KIAA1549L: variants seen among roughly 807,000 people sequenced by gnomAD.
The protein encoded by KIAA1549L is KIAA1549 like, also known as UPF0606 protein KIAA1549L.
In KIAA1549L, 88 loss-of-function variants were observed where a neutral mutation model predicts 160.7. That is an observed-to-expected ratio of 0.55 (90% CI 0.46 to 0.65). KIAA1549L has a LOEUF of 0.65. Among genes scored for constraint, KIAA1549L ranks in the 30% least tolerant of loss-of-function variants. The pLI is 0.00. For missense variants in KIAA1549L, 2,258 were observed against 2,437.5 expected, an observed-to-expected ratio of 0.93 and a Z score of 1.55; for synonymous variants, 950 against 976.7, an observed-to-expected ratio of 0.97 and a Z score of 0.51.
At chr11:33,589,806 A>C (rs1849994121) in intron 11 of KIAA1549L, among the ~76,000 whole-genome samples, 1 of 152,202 alleles carries the variant, frequency 6.6e-6, no homozygotes, top group Admixed American at 6.5e-5. Context: ...GATATACCTA[A>C]TGTTAAATGA....
At position 33,545,383 on chromosome 11, in the gene KIAA1549L, G is replaced by T; in HGVS notation, c.3385+5G>T. The T allele has an allele frequency of 6.2e-7, 1 of 1,601,750 alleles. No homozygotes were observed. Among genetic ancestry groups the T allele is most frequent in the South Asian group, 1.1e-5 (1 of 90,116 alleles). The stretch of plus-strand genomic sequence containing the variant: ...GTAAGCTCCTGGTGAAGACAGGTAT[G>T]AGACCACTGTTCTGATCTGAAAGCA... On this transcript the variant is annotated splice_donor_5th_base_variant and intron_variant, in intron 3 of 20. Coordinates refer to ENST00000658780, the MANE Select transcript of KIAA1549L (RefSeq NM_012194.3).
At chr11:33,571,683 C>G (rs928818185) in intron 9 of KIAA1549L, among the ~76,000 whole-genome samples, 2 of 152,136 alleles carry the variant, frequency 1.3e-5, no homozygotes, top group Non-Finnish European at 2.9e-5. Flanking sequence ...AGGACAGCAC[C>G]AAGCCATGAG....
chr11:33,465,962 A>G (rs1488884610), intron 1 of KIAA1549L, among the ~76,000 whole-genome samples: 1 of 152,274 alleles, frequency 6.6e-6, no homozygotes, highest in East Asian at 1.9e-4. Context: ...AAACGCCAAA[A>G]GCAATGGCAA....
intron 10 of KIAA1549L, among the ~76,000 whole-genome samples, chr11:33,578,186 TCAGGGG>T (rs1195147322): frequency 6.6e-6 from 1 of 151,928 alleles, no homozygotes; most frequent in Admixed American, 6.6e-5. Context: ...GTGGACGGGG[TCAGGGG>T]CTAGGACAGG....
At chr11:33,530,243 A>AT (rs1853708540) in intron 1 of KIAA1549L, among the ~76,000 whole-genome samples, 1 of 148,302 alleles carries the variant, frequency 6.7e-6, no homozygotes, top group Admixed American at 6.7e-5. Context: ...AAAATACAAA[A>AT]AAAAAAAAAT....
At chr11:33,596,483 TC>T (rs1314534751) in intron 12 of KIAA1549L, among the ~76,000 whole-genome samples, 2 of 152,166 alleles carry the variant, frequency 1.3e-5, no homozygotes, top group Non-Finnish European at 2.9e-5. Flanking sequence ...ATGCCTGTAA[TC>T]CCAGCATTTT....
intron 1 of KIAA1549L, among the ~76,000 whole-genome samples, chr11:33,492,587 G>A (rs1852705564): frequency 6.6e-6 from 1 of 152,054 alleles, no homozygotes; most frequent in South Asian, 2.1e-4. Flanking sequence ...TTGTTATTTA[G>A]GCTGCTCGGA....
chr11:33,416,567 G>A (rs554236858), intron 1 of KIAA1549L, among the ~76,000 whole-genome samples: 1 of 152,232 alleles, frequency 6.6e-6, no homozygotes, highest in East Asian at 1.9e-4. Flanking sequence ...TATAAATAAT[G>A]TAGATATGAT....
intron 1 of KIAA1549L, among the ~76,000 whole-genome samples, chr11:33,491,332 T>C (rs182541891): frequency 9.8e-5 from 15 of 152,308 alleles, no homozygotes; most frequent in African/African-American, 3.6e-4. Flanking sequence ...ACGGTTCACA[T>C]GGCACTACAG....
intron 2 of KIAA1549L, 88 bp from the exon 3 acceptor site, chr11:33,544,679 A>G (rs1854173063): frequency 6.7e-7 from 1 of 1,491,860 alleles, no homozygotes; most frequent in African/African-American, 1.4e-5. Flanking sequence ...CACCCTAGCA[A>G]ATCCATAAGT....
intron 6 of KIAA1549L, among the ~76,000 whole-genome samples, chr11:33,553,537 C>G (rs1473594276): frequency 6.6e-6 from 1 of 152,212 alleles, no homozygotes; most frequent in Non-Finnish European, 1.5e-5. Flanking sequence ...CTTGAGTGAG[C>G]AGCTTTCCTG....
intron 20 of KIAA1549L, among the ~76,000 whole-genome samples, chr11:33,667,036 AT>A (rs970130713): frequency 1.5e-4 from 23 of 152,190 alleles, no homozygotes; most frequent in African/African-American, 5.6e-4. Context: ...ACTTATATGA[AT>A]AAGGTAACTA....
chr11:33,646,138 G>A (rs1851718355), intron 17 of KIAA1549L, 102 bp downstream of exon 17: 1 of 884,884 alleles, frequency 1.1e-6, no homozygotes, highest in African/African-American at 1.7e-5. Flanking sequence ...AAAAGCTTTG[G>A]GATCTGGAGA....
At chr11:33,639,877 A>G (rs1851540975) in intron 16 of KIAA1549L, among the ~76,000 whole-genome samples, 1 of 152,194 alleles carries the variant, frequency 6.6e-6, no homozygotes, top group Admixed American at 6.5e-5. Context: ...TACTTACTCC[A>G]GCTTTGTTCA....
intron 16 of KIAA1549L, among the ~76,000 whole-genome samples, chr11:33,639,102 A>C (rs1346696467): frequency 6.6e-6 from 1 of 152,228 alleles, no homozygotes; most frequent in Non-Finnish European, 1.5e-5. Flanking sequence ...AATAAGACTT[A>C]AAGCTACAGA....
intron 1 of KIAA1549L, among the ~76,000 whole-genome samples, chr11:33,466,810 C>A (rs751569378): frequency 1.3e-5 from 2 of 152,110 alleles, no homozygotes; most frequent in Non-Finnish European, 2.9e-5. Flanking sequence ...GAGTTCATGT[C>A]CTTTACAGGG....
chr11:33,468,587 T>C (rs1437478594), intron 1 of KIAA1549L, among the ~76,000 whole-genome samples: 1 of 152,232 alleles, frequency 6.6e-6, no homozygotes, highest in Non-Finnish European at 1.5e-5. Context: ...TCTATTGTTG[T>C]ACTGATCCTG....
At chr11:33,586,683 C>G (rs1430168240) in intron 11 of KIAA1549L, among the ~76,000 whole-genome samples, 1 of 151,904 alleles carries the variant, frequency 6.6e-6, no homozygotes, top group East Asian at 1.9e-4. Flanking sequence ...CCAGTCACCC[C>G]CTAAGAACAG....
intron 1 of KIAA1549L, among the ~76,000 whole-genome samples, chr11:33,471,044 C>G (rs1852167996): frequency 6.6e-6 from 1 of 152,048 alleles, no homozygotes; most frequent in Non-Finnish European, 1.5e-5. Context: ...TGGTTTCAAA[C>G]TCCTGGGCTC....
Sources: allele counts gnomAD v4.1 joint callset (sites outside exome capture counted in the v4.1 genomes callset), GRCh38; gene constraint gnomAD v4.1.1; transcripts MANE v1.5; gene names NCBI Gene and HGNC (gene_info 2026-07-23, HGNC 2026-07-21).